Variants in PANK2 observed in about 807,000 individuals in gnomAD.
PANK2 encodes the protein pantothenate kinase 2, mitochondrial.
PANK2 carries 36 observed loss-of-function variants against 43.1 expected under a neutral mutation model. The observed-to-expected ratio is 0.84, with a 90% CI of 0.64 to 1.10. The LOEUF (loss-of-function observed/expected upper bound fraction) is 1.10, where lower values mean the gene tolerates loss of function less well. PANK2 is among the 50% of genes least tolerant of loss of function. The probability of loss-of-function intolerance (pLI) is 0.00; values close to 1 mark genes in which losing one functional copy is unlikely to be tolerated. For missense variants in PANK2, 576 were observed against 593.3 expected (o/e 0.97, Z 0.30); for synonymous variants, 281 against 238.2 (o/e 1.18, Z -1.66).
chr20:3,903,140 T>C (rs2090330979), intron 1 of PANK2, among the ~76,000 whole-genome samples: 1 of 55,030 alleles, frequency 1.8e-5, no homozygotes, highest in Non-Finnish European at 5.1e-5. Flanking sequence ...TAGCTTGCCT[T>C]TTTTTTTTTT....
chr20:3,899,946 C>T (rs139888673), intron 1 of PANK2, among the ~76,000 whole-genome samples: 2,519 of 151,910 alleles, frequency 0.017, 85 homozygotes, highest in African/African-American at 0.058. Flanking sequence ...CCTCGTGATC[C>T]GCCTGCCTCG....
rs1454162603 is a variant in PANK2 at position 3,897,695 on chromosome 20, GTC to G, written c.298+7972_298+7973del. Among the ~76,000 whole-genome samples the G allele has an allele frequency of 7.2e-5, 11 of 151,954 alleles. No homozygotes were observed. In the South Asian group the frequency reaches 1.7e-3, roughly 23 times the overall value. On this transcript the variant is annotated intron_variant, in intron 1 of 6. Transcript: ENST00000610179. ...AGCCTGGATGACAGAGTGAGACTGT[GTC>G]TCTCAAAAAAACAAAAACGAAAACA...
At chr20:3,905,157 G>A (rs1230829281) in intron 1 of PANK2, among the ~76,000 whole-genome samples, 1 of 82,000 alleles carries the variant, frequency 1.2e-5, no homozygotes, top group Non-Finnish European at 2.9e-5. Flanking sequence ...CCCCACCATC[G>A]CTTGTGACTG....
At chr20:3,916,827 T>A (rs1600565089) in intron 4 of PANK2, 100 bp from the exon 5 acceptor site, 2 of 1,520,140 alleles carry the variant, frequency 1.3e-6, no homozygotes, top group East Asian at 4.7e-5. Context: ...TCAACAATGT[T>A]GCCCTAAAAG....
chr20:3,914,319 G>A lies in PANK2; in HGVS notation c.1082+1685G>A, dbSNP rs1402799859. Among the ~76,000 whole-genome samples, 7 of 152,066 alleles carry A rather than the reference G, an allele frequency of 4.6e-5. No individual in the cohort carries two copies. The East Asian group carries it at 7.7e-4, about 17-fold the overall frequency. On this transcript the variant is annotated intron_variant, in intron 4 of 6. Coordinates refer to ENST00000610179, the MANE Select transcript of PANK2 (RefSeq NM_001386393.1). Reference sequence around the variant, plus strand: ...TAGGAGTGAAGTGATATCTTGTAGCGTTTTTATTTTTTAAGAGGCAGGGTC... The same window carrying A: ...TAGGAGTGAAGTGATATCTTGTAGCATTTTTATTTTTTAAGAGGCAGGGTC...
chr20:3,898,601 C>T (rs4815622), intron 1 of PANK2, among the ~76,000 whole-genome samples: 152,220 of 152,226 alleles, frequency 1, 76,107 homozygotes, highest in Middle Eastern at 1. Flanking sequence ...TGTATTCTCA[C>T]TGTCATTCAT....
Position 3,929,126 on chromosome 20 carries a change from A to G in PANK2, c.*5832A>G, listed in dbSNP as rs1187248397. 6.6e-6 allele frequency: 1 copy of G among 152,282 alleles called. No homozygotes were observed. The highest frequency in any genetic ancestry group is 1.5e-5 in the Non-Finnish European group (1 of 68,160). 9.4% of individuals were successfully genotyped at this position (152,282 alleles called of 1,614,324 possible). ...CCTCCCAAAGTGCTGGGATGTTGGG[A>G]TTACAGGCGTGAGCCATCGCGCCCG... On this transcript the variant is annotated 3_prime_UTR_variant, in exon 7 of 7. Transcript: ENST00000610179.
chr20:3,892,658 A>T (rs1343843693), intron 1 of PANK2, among the ~76,000 whole-genome samples: 1 of 140,532 alleles, frequency 7.1e-6, no homozygotes, highest in Admixed American at 7.6e-5. Flanking sequence ...CCTGGGCGAC[A>T]GAGCGACTCT....
intron 2 of PANK2, 40 bp from the exon 3 acceptor site, chr20:3,910,537 G>A: frequency 2.5e-6 from 4 of 1,612,846 alleles, no homozygotes; most frequent in Non-Finnish European, 2.5e-6. Context: ...GTTTCTGTTG[G>A]CTTATTAAAA....
At chr20:3,890,717 C>T (rs936631285) in intron 1 of PANK2, among the ~76,000 whole-genome samples, 1 of 152,190 alleles carries the variant, frequency 6.6e-6, no homozygotes, top group African/African-American at 2.4e-5. Context: ...GAATAGTCTT[C>T]TACCTTAGCC....
intron 1 of PANK2, 56 bp from the exon 2 acceptor site, chr20:3,907,870 G>C (rs1235309107): frequency 1.3e-6 from 2 of 1,482,074 alleles, no homozygotes; most frequent in Non-Finnish European, 1.9e-6. Context: ...CTGTGGTAAG[G>C]GTAAATTTAA....
intron 1 of PANK2, among the ~76,000 whole-genome samples, chr20:3,897,805 A>G (rs930006279): frequency 6.6e-6 from 1 of 152,144 alleles, no homozygotes; most frequent in African/African-American, 2.4e-5. Flanking sequence ...TTACGAGTTC[A>G]AGACCAGCTT....
chr20:3,916,628 A>G (rs2090564072), intron 4 of PANK2, among the ~76,000 whole-genome samples: 1 of 152,146 alleles, frequency 6.6e-6, no homozygotes, highest in Non-Finnish European at 1.5e-5. Context: ...TGGTTGCAGG[A>G]GCAATGGTGC....
At chr20:3,917,166 G>T in intron 5 of PANK2, 116 bp downstream of exon 5, 2 of 1,330,774 alleles carry the variant, frequency 1.5e-6, no homozygotes. Context: ...GGTGGGGTTT[G>T]TTTTAGCACG....
At chr20:3,922,767 C>G (rs1207060371) in intron 6 of PANK2, among the ~76,000 whole-genome samples, 1 of 152,170 alleles carries the variant, frequency 6.6e-6, no homozygotes, top group African/African-American at 2.4e-5. Context: ...ATCTCTTACT[C>G]TCCCTCCCTC....
intron 1 of PANK2, among the ~76,000 whole-genome samples, chr20:3,896,272 G>T (rs1319881268): frequency 7.1e-6 from 1 of 140,450 alleles, no homozygotes; most frequent in Non-Finnish European, 1.5e-5. Flanking sequence ...TAGAGACGGG[G>T]TTTCACCATG....
intron 4 of PANK2, among the ~76,000 whole-genome samples, chr20:3,913,199 A>G (rs6139234): frequency 1.3e-5 from 2 of 151,328 alleles, no homozygotes; most frequent in South Asian, 2.1e-4. Flanking sequence ...ATTTATTTTC[A>G]ATGTAGGTTT....
intron 4 of PANK2, among the ~76,000 whole-genome samples, chr20:3,914,300 T>A (rs987084445): frequency 2.6e-5 from 4 of 151,932 alleles, no homozygotes; most frequent in African/African-American, 9.7e-5. Flanking sequence ...TTAATAGGAG[T>A]GAAGTGATAT....
At chr20:3,895,026 C>A (rs1303196606) in intron 1 of PANK2, among the ~76,000 whole-genome samples, 1 of 152,090 alleles carries the variant, frequency 6.6e-6, no homozygotes, top group Admixed American at 6.6e-5. Context: ...TTTCTGTAAT[C>A]CTAGCACTGT....
Sources: gnomAD v4.1 joint callset for allele counts (sites outside exome capture counted in the v4.1 genomes callset) on GRCh38, gnomAD v4.1.1 for gene constraint, MANE v1.5 for transcripts, NCBI Gene and HGNC (gene_info 2026-07-23, HGNC 2026-07-21) for gene names.